SGCD: variants seen among roughly 807,000 people sequenced by gnomAD.
SGCD encodes the protein delta-sarcoglycan.
Under a neutral mutation model 36.6 loss-of-function variants are expected in SGCD, and 18 were observed. That is an observed-to-expected ratio of 0.49 (90% CI 0.34 to 0.73). The LOEUF (loss-of-function observed/expected upper bound fraction) is 0.73. Ranked by LOEUF, SGCD falls within the 30% of genes least tolerant of loss-of-function variation. The pLI, the probability that SGCD is intolerant of heterozygous loss-of-function variation, is 0.01. For missense variants in SGCD, 387 were observed against 346.7 expected (o/e 1.12, Z -0.92); for synonymous variants, 133 against 130.6 (o/e 1.02, Z -0.12).
intron 4 of SGCD, among the ~76,000 whole-genome samples, chr5:156,534,365 A>G (rs1430530065): frequency 2.6e-5 from 4 of 152,012 alleles, no homozygotes; most frequent in African/African-American, 9.7e-5. Context: ...CCATTTCCTA[A>G]TCTACCCTCA....
intron 1 of SGCD, among the ~76,000 whole-genome samples, chr5:155,876,371 C>G (rs755265455): frequency 6.6e-6 from 1 of 151,896 alleles, no homozygotes; most frequent in Non-Finnish European, 1.5e-5. Context: ...CATTTTGGAA[C>G]AGTAAGACAC....
chr5:155,990,638 A>T (rs1758412764), intron 1 of SGCD, among the ~76,000 whole-genome samples: 1 of 152,180 alleles, frequency 6.6e-6, no homozygotes, highest in African/African-American at 2.4e-5. Flanking sequence ...TTTTAGCCCC[A>T]AGGCCTTTCC....
upstream of SGCD, among the ~76,000 whole-genome samples, chr5:156,325,136 G>T (rs1249757194): frequency 1.3e-5 from 2 of 152,018 alleles, no homozygotes; most frequent in Non-Finnish European, 2.9e-5. Flanking sequence ...CTCAAGGAAA[G>T]ACTTCAGTGT....
intron 3 of SGCD, among the ~76,000 whole-genome samples, chr5:156,463,810 C>G (rs1469596478): frequency 6.6e-6 from 1 of 152,046 alleles, no homozygotes; most frequent in Non-Finnish European, 1.5e-5. Context: ...GCCTGGGCAA[C>G]ATGGCAAGAC....
intron 3 of SGCD, among the ~76,000 whole-genome samples, chr5:156,321,579 C>A (rs1420192815): frequency 6.6e-6 from 1 of 152,182 alleles, no homozygotes; most frequent in African/African-American, 2.4e-5. Flanking sequence ...CCCTACACAG[C>A]CATTCTGGTA....
intron 3 of SGCD, among the ~76,000 whole-genome samples, chr5:156,442,162 T>C (rs1265710983): frequency 1.3e-5 from 2 of 152,168 alleles, no homozygotes; most frequent in Non-Finnish European, 2.9e-5. Flanking sequence ...AGAGCAGTGA[T>C]CGAGTGTAAT....
chr5:156,297,855 A>G (rs1450640674), intron 3 of SGCD, among the ~76,000 whole-genome samples: 1 of 152,044 alleles, frequency 6.6e-6, no homozygotes, highest in Admixed American at 6.6e-5. Context: ...CTGTTGTGCT[A>G]TCAAATACTA....
chr5:156,140,751 A>T (rs1762560456), intron 3 of SGCD, among the ~76,000 whole-genome samples: 1 of 152,226 alleles, frequency 6.6e-6, no homozygotes. Flanking sequence ...TATAAAGAAT[A>T]AAAAAGCATG....
intron 4 of SGCD, among the ~76,000 whole-genome samples, chr5:156,567,432 G>GATA (rs1561783583): frequency 1.9e-3 from 162 of 87,252 alleles, no homozygotes; most frequent in Middle Eastern, 0.011. Flanking sequence ...ATAGATAGAT[G>GATA]GTAGCTCATG....
chr5:156,272,430 C>A (rs576391779), intron 3 of SGCD, among the ~76,000 whole-genome samples: 23 of 152,318 alleles, frequency 1.5e-4, no homozygotes, highest in African/African-American at 5.1e-4. Flanking sequence ...GGTTGATGGG[C>A]ACTTACGTCA....
chr5:156,578,974 C>A (rs1468028267), intron 4 of SGCD, among the ~76,000 whole-genome samples: 1 of 151,680 alleles, frequency 6.6e-6, no homozygotes, highest in Non-Finnish European at 1.5e-5. Context: ...AATGTGTTTG[C>A]TCTTCTCTAG....
chr5:156,088,351 T>C (rs780303766), intron 1 of SGCD, among the ~76,000 whole-genome samples: 1 of 152,160 alleles, frequency 6.6e-6, no homozygotes, highest in Non-Finnish European at 1.5e-5. Flanking sequence ...GTCTTATTTA[T>C]GGGCCATTGG....
At chr5:156,115,017 A>T (rs546151339) in intron 1 of SGCD, among the ~76,000 whole-genome samples, 1 of 152,266 alleles carries the variant, frequency 6.6e-6, no homozygotes, top group South Asian at 2.1e-4. Context: ...GGAAAATTAT[A>T]TGGTGAATAC....
chr5:156,212,093 G>T (rs1437681077), intron 3 of SGCD, among the ~76,000 whole-genome samples: 1 of 152,134 alleles, frequency 6.6e-6, no homozygotes, highest in East Asian at 1.9e-4. Context: ...AACAGAAGAA[G>T]AAAGGAACAA....
At chr5:156,348,135 G>T (rs988223702) in intron 3 of SGCD, among the ~76,000 whole-genome samples, 1 of 151,412 alleles carries the variant, frequency 6.6e-6, no homozygotes, top group Non-Finnish European at 1.5e-5. Context: ...AGTGGAGATC[G>T]TGGGGAAAGA....
intron 4 of SGCD, among the ~76,000 whole-genome samples, chr5:156,566,015 C>A (rs1201491267): frequency 1.3e-5 from 2 of 152,074 alleles, no homozygotes; most frequent in Non-Finnish European, 1.5e-5. Flanking sequence ...CATACGTGTG[C>A]ATGTGTCAAA....
intron 1 of SGCD, among the ~76,000 whole-genome samples, chr5:155,928,089 TTG>T (rs1242648570): frequency 6.6e-6 from 1 of 152,186 alleles, no homozygotes; most frequent in Non-Finnish European, 1.5e-5. Flanking sequence ...TGTGAATAAT[TTG>T]TACTGTTCCA....
chr5:155,735,416 C>T, the SGCD span, among the ~76,000 whole-genome samples: 2 of 152,128 alleles, frequency 1.3e-5, no homozygotes, highest in East Asian at 1.9e-4. Flanking sequence ...AACTAATAGG[C>T]TTTCAGGAGT....
At chr5:156,263,339 C>A (rs1765915843) in intron 3 of SGCD, among the ~76,000 whole-genome samples, 1 of 152,128 alleles carries the variant, frequency 6.6e-6, no homozygotes. Context: ...ATTTGCATTT[C>A]TCTGATCATT....
Sources: gnomAD v4.1 joint callset for allele counts (sites outside exome capture counted in the v4.1 genomes callset) on GRCh38, gnomAD v4.1.1 for gene constraint, MANE v1.5 for transcripts, NCBI Gene and HGNC (gene_info 2026-07-23, HGNC 2026-07-21) for gene names.